Variants in DHX15 observed in about 807,000 individuals in gnomAD.
DHX15 encodes the protein DEAH-box helicase 15, also known as ATP-dependent RNA helicase DHX15.
In DHX15, 11 loss-of-function variants were observed where a neutral mutation model predicts 94.4. That is an observed-to-expected ratio of 0.12 (90% confidence interval 0.07 to 0.19). DHX15 has a LOEUF of 0.19. Among genes scored for constraint, DHX15 ranks in the 10% least tolerant of loss-of-function variants. The probability of loss-of-function intolerance (pLI) is 1.00; values close to 1 mark genes in which losing one functional copy is unlikely to be tolerated. For missense variants in DHX15, 304 were observed against 988.5 expected, an observed-to-expected ratio of 0.31 and a Z score of 9.29; for synonymous variants, 338 against 329.9, an observed-to-expected ratio of 1.02 and a Z score of -0.27.
intron 6 of DHX15, among the ~76,000 whole-genome samples, chr4:24,548,292 G>A (rs1000183383): frequency 7.9e-5 from 12 of 151,982 alleles, no homozygotes; most frequent in Admixed American, 6.6e-4. Context: ...ACAGGCACGC[G>A]CTACCACGCC....
At chr4:24,547,929 A>C (rs374995594) in intron 6 of DHX15, among the ~76,000 whole-genome samples, 21 of 41,010 alleles carry the variant, frequency 5.1e-4, no homozygotes, top group Admixed American at 1.6e-3. Flanking sequence ...ATATATATAT[A>C]TATATATATA....
chr4:24,542,581 AC>A (rs1175375509), intron 7 of DHX15, among the ~76,000 whole-genome samples: 1 of 152,180 alleles, frequency 6.6e-6, no homozygotes, highest in Non-Finnish European at 1.5e-5. Context: ...TGCCTAGTTG[AC>A]AGCAGTAACT....
chr4:24,573,202 T>C (rs1422349420), intron 2 of DHX15, among the ~76,000 whole-genome samples: 1 of 152,234 alleles, frequency 6.6e-6, no homozygotes, highest in Non-Finnish European at 1.5e-5. Flanking sequence ...TGGGCCACTG[T>C]ACCCAGCCAG....
rs751649164 is a variant in DHX15 at position 24,540,993 on chromosome 4, C to T, written c.1486-45G>A. ...TTTATTGGTTATGTTAAAAATGCCT[C>T]AGTCTCCTCGTTCCAGAAAACAAAA... is the stretch of plus-strand genomic sequence containing the variant. On this transcript the variant is annotated intron_variant, in intron 8 of 13. Coordinates refer to ENST00000336812, the MANE Select transcript of DHX15 (RefSeq NM_001358.3). 5.6e-6 allele frequency: 7 copies of T among 1,260,588 alleles called. No individual in the cohort carries two copies. In the East Asian group the frequency reaches 1.4e-4, roughly 25 times the overall value. The allele number at this position is 1,260,588 out of a possible 1,614,324, so 78.1% of individuals were successfully genotyped here. A position where few individuals can be genotyped will look rare whatever the true frequency, so the allele number is the denominator to read the frequency against.
At chr4:24,562,006 C>CT (rs1348935764) in intron 3 of DHX15, among the ~76,000 whole-genome samples, 1 of 151,924 alleles carries the variant, frequency 6.6e-6, no homozygotes, top group Non-Finnish European at 1.5e-5. Context: ...TGGCGTGCAC[C>CT]TGTAGCCCCA....
intron 13 of DHX15, among the ~76,000 whole-genome samples, chr4:24,528,461 A>G (rs1258253974): frequency 6.6e-6 from 1 of 152,204 alleles, no homozygotes; most frequent in Non-Finnish European, 1.5e-5. Context: ...CTGTAACTCT[A>G]TACCCCCAAA....
intron 6 of DHX15, among the ~76,000 whole-genome samples, chr4:24,548,651 G>C (rs1253759904): frequency 6.6e-6 from 1 of 152,166 alleles, no homozygotes; most frequent in East Asian, 1.9e-4. Context: ...TCTTCCATTT[G>C]CTAAGGAGGC....
At chr4:24,567,539 T>C (rs12331324) in intron 3 of DHX15, among the ~76,000 whole-genome samples, 5,344 of 149,156 alleles carry the variant, frequency 0.036, 289 homozygotes, top group African/African-American at 0.12. Flanking sequence ...ATCGTGCCAC[T>C]GCACTCCAGC....
At chr4:24,583,847 C>A (rs1001192653) in intron 1 of DHX15, among the ~76,000 whole-genome samples, 1 of 152,200 alleles carries the variant, frequency 6.6e-6, no homozygotes, top group African/African-American at 2.4e-5. Flanking sequence ...CCGCCTTTCC[C>A]GTCTGGAGTG....
chr4:24,581,731 A>C (rs1019879426), intron 1 of DHX15, among the ~76,000 whole-genome samples: 5 of 152,184 alleles, frequency 3.3e-5, no homozygotes, highest in Non-Finnish European at 5.9e-5. Flanking sequence ...CCAACATCAA[A>C]ATGAAAAACG....
At chr4:24,552,263 A>T (rs1285370490) in intron 5 of DHX15, among the ~76,000 whole-genome samples, 1 of 152,208 alleles carries the variant, frequency 6.6e-6, no homozygotes, top group Non-Finnish European at 1.5e-5. Flanking sequence ...TTTTGATTTG[A>T]GAAAAGATTT....
rs1024079640 is a variant in DHX15 at position 24,576,625 on chromosome 4, C to T, written c.125G>A (p.Arg42Gln). The T allele has an allele frequency of 6.4e-5, 103 of 1,613,808 alleles. No individual in the cohort carries two copies. Among genetic ancestry groups the T allele is most frequent in the Non-Finnish European group, 8.5e-5 (100 of 1,179,868 alleles). Residue 42 changes from arginine (R) to glutamine (Q), a missense_variant, in exon 2 of 14, where the codon CGA becomes CAA. By Grantham distance (43) the Arg-to-Gln change is conservative. Around this residue, in one of 9 missense-constraint regions of DHX15, gnomAD observed 143 missense variants for 200.5 expected, o/e 0.71. Transcript: ENST00000336812. Reference sequence around the variant, plus strand: ...CTCTCTATCTCCTCTATCACGTTCTCGGTCTCGATCTTTAGACCGATCTTC... The same window carrying T: ...CTCTCTATCTCCTCTATCACGTTCTTGGTCTCGATCTTTAGACCGATCTTC... Reference protein sequence around the residue: ...DREDRSKDRDRERDRGDRERE... With the variant: ...DREDRSKDRDQERDRGDRERE...
chr4:24,583,740 T>TC (rs1240478203), intron 1 of DHX15, among the ~76,000 whole-genome samples: 2 of 150,540 alleles, frequency 1.3e-5, no homozygotes, highest in Non-Finnish European at 3.0e-5. Context: ...TACTCCCACC[T>TC]CCCCCGAGAA....
At position 24,542,085 on chromosome 4, in the gene DHX15, G is replaced by C. The variant is rs1176273748; in HGVS notation, c.1336-63C>G. The C allele has an allele frequency of 8.5e-6, 12 of 1,407,802 alleles. No homozygotes were observed. The East Asian group carries it at 2.4e-4, about 28-fold the overall frequency. The allele number at this position is 1,407,802 out of a possible 1,614,324, so 87.2% of individuals were successfully genotyped here. ...TCAAACACAAAATTGTGATGCAACA[G>C]AAGTATCCAAAGCCCACAGTTAATT... On this transcript the variant is annotated intron_variant, in intron 7 of 13. Coordinates refer to ENST00000336812, the MANE Select transcript of DHX15 (RefSeq NM_001358.3).
intron 3 of DHX15, chr4:24,563,184 ATAT>A (rs1721919903): frequency 6.6e-6 from 1 of 151,756 alleles, no homozygotes; most frequent in African/African-American, 2.4e-5. Context: ...ATGTATGTAT[ATAT>A]TTTAAAGAGA....
At chr4:24,584,036 T>C (rs774289760) in intron 1 of DHX15, 4 of 448,546 alleles carry the variant, frequency 8.9e-6, no homozygotes, top group Non-Finnish European at 1.6e-5. Flanking sequence ...CCCTCGCAAA[T>C]GACTCCCGCT....
intron 3 of DHX15, 44 bp downstream of exon 3, chr4:24,570,610 G>A (rs769543065): frequency 6.3e-7 from 1 of 1,575,460 alleles, no homozygotes; most frequent in East Asian, 2.2e-5. Flanking sequence ...AGCAGAAAAT[G>A]GCAAGCAGAG....
chr4:24,569,017 G>C (rs942163439), intron 3 of DHX15, among the ~76,000 whole-genome samples: 2 of 152,126 alleles, frequency 1.3e-5, no homozygotes, highest in African/African-American at 2.4e-5. Context: ...TGAATAAAAA[G>C]TTCTAATAAA....
intron 3 of DHX15, among the ~76,000 whole-genome samples, 165 bp downstream of exon 3, chr4:24,570,489 C>G (rs576639112): frequency 6.6e-6 from 1 of 152,032 alleles, no homozygotes; most frequent in African/African-American, 2.4e-5. Flanking sequence ...CTATAGATTA[C>G]CAATAATATA....
Sources: allele counts gnomAD v4.1 joint callset (sites outside exome capture counted in the v4.1 genomes callset), GRCh38; gene constraint gnomAD v4.1.1; regional missense constraint gnomAD v4.1.1; transcripts MANE v1.5; gene names NCBI Gene and HGNC (gene_info 2026-07-23, HGNC 2026-07-21).